The following TNRC6C variants were observed in gnomAD, a reference collection of about 807,000 sequenced individuals.
TNRC6C encodes the protein trinucleotide repeat-containing gene 6C protein.
TNRC6C carries 20 observed loss-of-function variants against 153.7 expected under a neutral mutation model. The ratio of observed to expected loss-of-function variants is 0.13; its 90% CI spans 0.09 to 0.19. The LOEUF (loss-of-function observed/expected upper bound fraction) is 0.19, where lower values mean the gene tolerates loss of function less well. Among genes scored for constraint, TNRC6C ranks in the 10% least tolerant of loss-of-function variants. The pLI, the probability that TNRC6C is intolerant of heterozygous loss-of-function variation, is 1.00. For missense variants in TNRC6C, 1,987 were observed against 2,172.0 expected (o/e 0.91, Z 1.69); for synonymous variants, 811 against 841.4 (o/e 0.96, Z 0.63).
chr17:78,083,652 G>C (rs1292004583), intron 11 of TNRC6C, among the ~76,000 whole-genome samples: 2 of 152,184 alleles, frequency 1.3e-5, no homozygotes, highest in Admixed American at 1.3e-4. Flanking sequence ...TCTAAGGATG[G>C]TATACATAAA....
intron 2 of TNRC6C, among the ~76,000 whole-genome samples, chr17:78,041,326 CAG>C (rs2072289987): frequency 6.6e-6 from 1 of 152,094 alleles, no homozygotes; most frequent in Non-Finnish European, 1.5e-5. Context: ...CCGCACGGAG[CAG>C]AGACTTACCC....
At chr17:78,063,035 C>T (rs1348166351) in intron 3 of TNRC6C, among the ~76,000 whole-genome samples, 2 of 152,024 alleles carry the variant, frequency 1.3e-5, no homozygotes, top group East Asian at 1.9e-4. Context: ...CACTTGAGGT[C>T]AGGAGTTCGA....
At chr17:78,052,624 C>T (rs2144027376) in intron 3 of TNRC6C, among the ~76,000 whole-genome samples, 1 of 152,208 alleles carries the variant, frequency 6.6e-6, no homozygotes, top group South Asian at 2.1e-4. Flanking sequence ...ATTTGGGCAC[C>T]TTTTTGGTTT....
At chr17:78,050,374 G>A in exon 3 of TNRC6C, 1 of 1,613,528 alleles carries the variant, frequency 6.2e-7, no homozygotes, top group Non-Finnish European at 8.5e-7. Context: ...GCCAAGGAAT[G>A]ATCTTGACCC....
intron 1 of TNRC6C, among the ~76,000 whole-genome samples, chr17:77,985,691 T>G (rs918768756): frequency 3.3e-5 from 5 of 152,078 alleles, no homozygotes; most frequent in Admixed American, 2.0e-4. Flanking sequence ...AACCCAAATT[T>G]AAAGGGTTAA....
At chr17:78,056,803 T>C (rs2072665671) in intron 3 of TNRC6C, among the ~76,000 whole-genome samples, 1 of 142,894 alleles carries the variant, frequency 7.0e-6, no homozygotes, top group Non-Finnish European at 1.6e-5. Flanking sequence ...AGCCAAAACA[T>C]GGGAGCTTCA....
At chr17:78,018,752 C>T (rs1490982409) in intron 1 of TNRC6C, among the ~76,000 whole-genome samples, 2 of 152,126 alleles carry the variant, frequency 1.3e-5, no homozygotes, top group African/African-American at 4.8e-5. Context: ...ACAGCCCCAG[C>T]CTAGAGGAGG....
Position 78,049,883 on chromosome 17 carries a change from A to G in TNRC6C, c.821A>G (p.Asn274Ser), listed in dbSNP as rs762107211. The G allele has an allele frequency of 1.9e-6, 3 of 1,614,072 alleles. No homozygotes were observed. Among genetic ancestry groups the G allele is most frequent in the Non-Finnish European group, 1.7e-6 (2 of 1,179,910 alleles). ...AGTCAGGGGAATGGAGACACTGTGA[A>G]CTCAGCATTAAGTGCTAAACAAAAT... The change falls in exon 3 of 20, where the codon AAC becomes AGC. Residue 274 changes from asparagine to serine, a missense_variant. Coordinates refer to ENST00000301624, the Ensembl canonical transcript of TNRC6C. This position sits in a 1 kb window ranked among gnomAD's most constrained non-coding sequence, Gnocchi z 4.1.
intron 3 of TNRC6C, among the ~76,000 whole-genome samples, chr17:78,062,454 T>C (rs778405222): frequency 6.6e-5 from 10 of 152,178 alleles, no homozygotes; most frequent in Non-Finnish European, 1.3e-4. Flanking sequence ...CAATGTAAAA[T>C]TGATGGTTAA....
intron 1 of TNRC6C, among the ~76,000 whole-genome samples, chr17:77,974,432 T>A (rs917615716): frequency 6.6e-6 from 1 of 152,156 alleles, no homozygotes; most frequent in African/African-American, 2.4e-5. Context: ...GGTACCTACC[T>A]CAATTCCTGT....
Position 78,075,693 on chromosome 17 carries a change from C to G in TNRC6C, c.3060+415C>G, listed in dbSNP as rs1017092622. The stretch of plus-strand genomic sequence containing the variant: ...GCTTGGGCACCCATCTCTGGCTGGC[C>G]CTTGTCAGTTGGCCACATGAGTGAC... On this transcript the variant is annotated intron_variant, in intron 8 of 19. Transcript: ENST00000301624. The surrounding 1 kb of genome is among the most constrained non-coding windows in gnomAD (Gnocchi z 4.2). Among the ~76,000 whole-genome samples the G allele has an allele frequency of 3.9e-5, 6 of 152,112 alleles. No homozygotes were observed. The highest frequency in any genetic ancestry group is 7.3e-5 in the Non-Finnish European group (5 of 68,028).
At chr17:78,015,702 A>C (rs148393067) in intron 1 of TNRC6C, among the ~76,000 whole-genome samples, 8,913 of 152,274 alleles carry the variant, frequency 0.059, 372 homozygotes, top group Non-Finnish European at 0.084. Context: ...ACCTGAGGTC[A>C]GGAGTTCCAG....
intron 1 of TNRC6C, among the ~76,000 whole-genome samples, chr17:77,970,074 T>TC (rs1396913848): frequency 6.6e-6 from 1 of 152,230 alleles, no homozygotes; most frequent in East Asian, 1.9e-4. Flanking sequence ...GAAAGCAATT[T>TC]CCCTCACTTG....
chr17:78,066,565 C>T (rs1312024675), intron 4 of TNRC6C: 1 of 152,146 alleles, frequency 6.6e-6, no homozygotes, highest in Non-Finnish European at 1.5e-5. Flanking sequence ...GTTTATCAGC[C>T]TTGTATCTTC....
intron 1 of TNRC6C, among the ~76,000 whole-genome samples, chr17:77,996,048 G>A (rs554003833): frequency 6.6e-6 from 1 of 152,202 alleles, no homozygotes; most frequent in South Asian, 2.1e-4. Context: ...ACTTTAACCT[G>A]GAAGAAAGAG....
chr17:78,091,681 G>A lies in TNRC6C; in HGVS notation c.3970+74G>A, dbSNP rs966784569. The A allele has an allele frequency of 7.7e-6, 10 of 1,303,284 alleles. No homozygotes were observed. In the African/African-American group the frequency reaches 1.4e-4, roughly 18 times the overall value. 80.7% of individuals were successfully genotyped at this position (1,303,284 alleles called of 1,614,324 possible). A position where few individuals can be genotyped will look rare whatever the true frequency, so the allele number is the denominator to read the frequency against. On this transcript the variant is annotated intron_variant, in intron 14 of 19. Transcript: ENST00000301624. ...ATCGATCGTCCTGTTGTATAGCATG[G>A]CCATTCTATACTTTTCTAAGAATTG...
At chr17:78,021,352 G>T (rs1392700015) in intron 1 of TNRC6C, among the ~76,000 whole-genome samples, 1 of 152,266 alleles carries the variant, frequency 6.6e-6, no homozygotes, top group East Asian at 1.9e-4. Context: ...CACGCATTCA[G>T]ACAAGCCTGA....
chr17:78,056,242 C>G (rs1335725807), intron 3 of TNRC6C, among the ~76,000 whole-genome samples: 1 of 151,792 alleles, frequency 6.6e-6, no homozygotes, highest in Non-Finnish European at 1.5e-5. Flanking sequence ...ACTGCAACTT[C>G]CACCTCCCGG....
At chr17:78,083,857 T>C (rs1014951672) in intron 11 of TNRC6C, among the ~76,000 whole-genome samples, 1 of 152,232 alleles carries the variant, frequency 6.6e-6, no homozygotes, top group Non-Finnish European at 1.5e-5. Flanking sequence ...TTTACTATAA[T>C]TGCCATGTCA....
Sources: allele counts gnomAD v4.1 joint callset (sites outside exome capture counted in the v4.1 genomes callset), GRCh38; gene constraint gnomAD v4.1.1; non-coding constraint Gnocchi (gnomAD v3.1); transcripts MANE v1.5; gene names NCBI Gene and HGNC (gene_info 2026-07-23, HGNC 2026-07-21).